Variants in C6orf62 observed in about 807,000 individuals in gnomAD.
C6orf62 encodes the protein uncharacterized protein C6orf62.
C6orf62 carries 16 observed loss-of-function variants against 26.8 expected under a neutral mutation model. That is an observed-to-expected ratio of 0.60 (90% confidence interval 0.40 to 0.91). The LOEUF is 0.91. Among genes scored for constraint, C6orf62 ranks in the 40% least tolerant of loss-of-function variants. The pLI is 0.00. For missense variants in C6orf62, 192 were observed against 271.4 expected (o/e 0.71, Z 2.06); for synonymous variants, 112 against 91.5 (o/e 1.22, Z -1.28).
upstream of C6orf62, chr6:24,720,341 A>C: frequency 8.0e-7 from 1 of 1,252,370 alleles, no homozygotes; most frequent in Non-Finnish European, 1.0e-6. Context: ...GTCAAGAGAA[A>C]ACCACCAGCC....
chr6:24,710,105 A>AT, intron 3 of C6orf62: 1 of 984,510 alleles, frequency 1.0e-6, no homozygotes, highest in Non-Finnish European at 1.2e-6. Context: ...GATCATAAGC[A>AT]TATCAAAAGC....
Position 24,706,280 on chromosome 6 carries a change from T to C in C6orf62, c.565-18A>G. The C allele has an allele frequency of 6.2e-7, 1 of 1,612,742 alleles. No individual in the cohort carries two copies. The highest frequency in any genetic ancestry group is 8.5e-7 in the Non-Finnish European group (1 of 1,179,486). ...TTTGGAGTCTGGAAGGGGAAAACATTTTAATATTTTTTAAAAATAAGACTT... is the reference window on the plus strand; with the variant it reads ...TTTGGAGTCTGGAAGGGGAAAACATCTTAATATTTTTTAAAAATAAGACTT... On this transcript the variant is annotated intron_variant, in intron 4 of 4. Transcript: ENST00000378119.
Position 24,718,623 on chromosome 6 carries a change from GTAGTC to G in C6orf62, c.41_45del (p.Arg14ThrfsTer5). 6.2e-7 allele frequency: 1 copy of G among 1,614,048 alleles called. No homozygotes were observed. Among genetic ancestry groups the G allele is most frequent in the Non-Finnish European group, 8.5e-7 (1 of 1,179,986 alleles). ...TCTTTTTTCTTTCTAAGCTGAGCAC[GTAGTC>G]TGTTCAGAGCTTGTTTCTTCCGGGA... is the stretch of plus-strand genomic sequence containing the variant. On this transcript the variant is annotated frameshift_variant, in exon 1 of 5. Coordinates refer to ENST00000378119, the MANE Select transcript of C6orf62 (RefSeq NM_030939.5). LOFTEE classifies it high-confidence loss of function.
Position 24,718,903 on chromosome 6 carries a change from TG to T in C6orf62, c.-236del. On this transcript the variant is annotated 5_prime_UTR_variant, in exon 1 of 5. Coordinates refer to ENST00000378119, the MANE Select transcript of C6orf62 (RefSeq NM_030939.5). ...CCAGTCATGTTTGGACAATAACGTT[TG>T]GGGTCAGACGGGAAAAAGGGAGGAA... is the stretch of plus-strand genomic sequence containing the variant. 5 of 1,313,574 alleles carry T rather than the reference TG, an allele frequency of 3.8e-6. No homozygotes were observed. Among genetic ancestry groups the T allele is most frequent in the Non-Finnish European group, 4.8e-6 (5 of 1,034,608 alleles). The allele number at this position is 1,313,574 out of a possible 1,614,324, so 81.4% of individuals were successfully genotyped here. A position where few individuals can be genotyped will look rare whatever the true frequency, so the allele number is the denominator to read the frequency against.
chr6:24,720,368 C>G (rs1452390017), upstream of C6orf62: 7 of 1,222,004 alleles, frequency 5.7e-6, no homozygotes, highest in Admixed American at 2.5e-4. Flanking sequence ...GCCCCTCCAT[C>G]CCCGCTGCAG....
chr6:24,716,644 T>C (rs920259486), intron 1 of C6orf62, among the ~76,000 whole-genome samples: 1 of 152,194 alleles, frequency 6.6e-6, no homozygotes, highest in Non-Finnish European at 1.5e-5. Context: ...TTCAGACAAA[T>C]GAATAGTTTT....
chr6:24,720,002 T>C, upstream of C6orf62: 1 of 1,526,708 alleles, frequency 6.6e-7, no homozygotes, highest in Non-Finnish European at 8.8e-7. Flanking sequence ...TTAATATTAC[T>C]TCTAAAGTAA....
chr6:24,711,257 A>AAC (rs543468636), intron 3 of C6orf62, among the ~76,000 whole-genome samples: 2 of 150,948 alleles, frequency 1.3e-5, no homozygotes, highest in East Asian at 1.9e-4. Flanking sequence ...CACACACACA[A>AAC]ACACACACAC....
upstream of C6orf62, chr6:24,720,013 G>A (rs1293494975): frequency 5.4e-6 from 8 of 1,483,098 alleles, no homozygotes; most frequent in Non-Finnish European, 6.3e-6. Context: ...TCTAAAGTAA[G>A]CCCACCCACC....
At chr6:24,708,702 A>C in intron 4 of C6orf62, 75 bp downstream of exon 4, 1 of 1,565,484 alleles carries the variant, frequency 6.4e-7, no homozygotes, top group Non-Finnish European at 8.8e-7. Context: ...CAATTAAGTA[A>C]CTTGTATATA....
At chr6:24,710,210 C>A (rs1380994674) in intron 3 of C6orf62, 1 of 985,170 alleles carries the variant, frequency 1.0e-6, no homozygotes, top group Non-Finnish European at 1.2e-6. Flanking sequence ...AAATATAAAA[C>A]CCAACTTGCT....
In C6orf62 at chr6:24,706,068, G is replaced by A. The variant is rs1452847252; in HGVS notation, c.*69C>T. 29 of 1,582,752 alleles carry A rather than the reference G, an allele frequency of 1.8e-5. No individual in the cohort carries two copies. The highest frequency in any genetic ancestry group is 2.2e-5 in the Non-Finnish European group (26 of 1,161,884). On this transcript the variant is annotated 3_prime_UTR_variant, in exon 5 of 5. Coordinates refer to ENST00000378119, the MANE Select transcript of C6orf62 (RefSeq NM_030939.5). ...TTTCTTTAAACTCTGAAAGAATAAA[G>A]TGGTAAGAAAACAAGAAAAAAAACT...
intron 3 of C6orf62, among the ~76,000 whole-genome samples, chr6:24,711,418 G>C (rs1779118359): frequency 6.6e-6 from 1 of 152,156 alleles, no homozygotes; most frequent in Non-Finnish European, 1.5e-5. Flanking sequence ...GCACTTCACA[G>C]TACACTGAAG....
chr6:24,717,209 G>A (rs1277240263), intron 1 of C6orf62, among the ~76,000 whole-genome samples: 1 of 152,226 alleles, frequency 6.6e-6, no homozygotes, highest in Non-Finnish European at 1.5e-5. Flanking sequence ...TATCGTTGGT[G>A]TTAAAGAATT....
intron 4 of C6orf62, among the ~76,000 whole-genome samples, chr6:24,707,506 C>T (rs771580142): frequency 3.3e-5 from 5 of 151,908 alleles, no homozygotes; most frequent in African/African-American, 4.8e-5. Flanking sequence ...CACAGGAACA[C>T]GCCACAATGT....
upstream of C6orf62, chr6:24,720,031 C>A: frequency 2.7e-6 from 4 of 1,490,470 alleles, no homozygotes; most frequent in Non-Finnish European, 2.7e-6. Flanking sequence ...ACCCTCCCCC[C>A]AAAAAATTAA....
intron 3 of C6orf62, chr6:24,709,490 T>TTAACTAATC: frequency 1.0e-6 from 1 of 972,310 alleles, no homozygotes; most frequent in Non-Finnish European, 1.2e-6. Flanking sequence ...TGCAAATCCC[T>TTAACTAATC]TAAACTTCAG....
At chr6:24,716,828 G>C (rs56344861) in intron 1 of C6orf62, among the ~76,000 whole-genome samples, 44,447 of 151,738 alleles carry the variant, frequency 0.29, 6,812 homozygotes, top group African/African-American at 0.37. Flanking sequence ...GGTTCGAGGG[G>C]ATCTCCTGCC....
chr6:24,716,872 C>T (rs9461054), intron 1 of C6orf62, among the ~76,000 whole-genome samples: 5,937 of 151,998 alleles, frequency 0.039, 155 homozygotes, highest in East Asian at 0.073. Context: ...TACAGGCCTG[C>T]GCCACCACAC....
Sources: gnomAD v4.1 joint callset for allele counts (sites outside exome capture counted in the v4.1 genomes callset) on GRCh38, gnomAD v4.1.1 for gene constraint, MANE v1.5 for transcripts, NCBI Gene and HGNC (gene_info 2026-07-23, HGNC 2026-07-21) for gene names.